Variants in NTN4 observed in about 807,000 individuals in gnomAD.
The protein encoded by NTN4 is netrin-4.
A neutral mutation model predicts 73.6 loss-of-function variants in NTN4; 32 were observed. The ratio of observed to expected loss-of-function variants is 0.44; its 90% CI spans 0.33 to 0.58. The LOEUF (loss-of-function observed/expected upper bound fraction) is 0.58. NTN4 is among the 20% of genes least tolerant of loss of function. The pLI, the probability that NTN4 is intolerant of heterozygous loss-of-function variation, is 0.04. For synonymous variants in NTN4, 258 were observed against 287.5 expected (o/e 0.90, Z 1.04); for missense variants, 654 against 798.3 (o/e 0.82, Z 2.18).
chr12:95,737,759 G>T, intron 3 of NTN4, 107 bp downstream of exon 3: 2 of 1,072,212 alleles, frequency 1.9e-6, no homozygotes, highest in Non-Finnish European at 2.7e-6. Context: ...GCTGTGATGG[G>T]CAGAGGAAAA....
intron 2 of NTN4, among the ~76,000 whole-genome samples, chr12:95,755,787 C>G (rs2078943765): frequency 6.6e-6 from 1 of 152,114 alleles, no homozygotes; most frequent in African/African-American, 2.4e-5. Context: ...TAAAGTGATG[C>G]AAAGGCAGCT....
Position 95,790,302 on chromosome 12 carries a change from C to A in NTN4, c.8G>T (p.Ser3Ile). 2.0e-6 allele frequency: 3 copies of A among 1,531,440 alleles called. No individual in the cohort carries two copies. The allele number at this position is 1,531,440 out of a possible 1,614,324, so 94.9% of individuals were successfully genotyped here. The change falls in exon 1 of 10, where the codon AGC becomes ATC. Residue 3 changes from serine (S) to isoleucine (I), a missense_variant. Coordinates refer to ENST00000343702, the MANE Select transcript of NTN4 (RefSeq NM_021229.4). This position sits in a 1 kb window ranked among gnomAD's most constrained non-coding sequence, Gnocchi z 6.5. ...CCAGAGCAGCAGCAGCCGCGCGCAG[C>A]TCCCCATGGCCGGGAGGAGCCGGGA... MG[S>I]CARLLLLWGC...
chr12:95,762,548 A>G (rs1239862978), intron 2 of NTN4, among the ~76,000 whole-genome samples: 1 of 152,272 alleles, frequency 6.6e-6, no homozygotes, highest in Admixed American at 6.5e-5. Flanking sequence ...AGAAGAAAAG[A>G]CTTGCAGAAA....
rs577627036 is a variant in NTN4 at position 95,676,722 on chromosome 12, G to A, written c.1510+5985C>T. 2.6e-3 allele frequency among the ~76,000 whole-genome samples: 389 copies of A among 151,746 alleles called. 1 individual carries two copies. Among genetic ancestry groups the A allele is most frequent in the African/African-American group, 9.0e-3 (374 of 41,400 alleles). On this transcript the variant is annotated intron_variant, in intron 7 of 9. Coordinates refer to ENST00000343702, the MANE Select transcript of NTN4 (RefSeq NM_021229.4). ...AAACATAAAAAAAAAATAAAGATAA[G>A]AGCAGAATTAGTGAAATAAAGAAAA...
intron 2 of NTN4, among the ~76,000 whole-genome samples, chr12:95,748,303 C>A (rs2078877486): frequency 6.7e-6 from 1 of 148,984 alleles, no homozygotes; most frequent in Admixed American, 6.7e-5. Context: ...TTATTCATTA[C>A]ATTATTCAAA....
At chr12:95,712,343 G>T (rs768319179) in intron 4 of NTN4, among the ~76,000 whole-genome samples, 2 of 151,978 alleles carry the variant, frequency 1.3e-5, no homozygotes, top group Non-Finnish European at 2.9e-5. Flanking sequence ...AAAAAAAAAG[G>T]CAATGTGGTA....
chr12:95,670,065 A>G lies in NTN4; in HGVS notation c.1579+13T>C, dbSNP rs758645557. On this transcript the variant is annotated intron_variant, in intron 8 of 9. Transcript: ENST00000343702. Reference sequence around the variant, plus strand: ...AATAGGTTCTCAGAAGCATTCAAGGATTTCAGACTCACCATATGAATATTT... The same window carrying G: ...AATAGGTTCTCAGAAGCATTCAAGGGTTTCAGACTCACCATATGAATATTT... 6.4e-7 allele frequency: 1 copy of G among 1,550,704 alleles called. No homozygotes were observed. Among genetic ancestry groups the G allele is most frequent in the Non-Finnish European group, 8.8e-7 (1 of 1,135,988 alleles).
intron 2 of NTN4, among the ~76,000 whole-genome samples, chr12:95,744,168 C>T (rs2078845343): frequency 6.6e-6 from 1 of 151,998 alleles, no homozygotes; most frequent in Admixed American, 6.5e-5. Context: ...TCCCAAAGTG[C>T]TGGGATTACA....
At chr12:95,775,362 A>C (rs1315149072) in intron 2 of NTN4, among the ~76,000 whole-genome samples, 2 of 152,240 alleles carry the variant, frequency 1.3e-5, no homozygotes. Flanking sequence ...CGCACTGAGC[A>C]TGAGCCAAAG....
intron 2 of NTN4, among the ~76,000 whole-genome samples, chr12:95,752,111 CT>C (rs2078912746): frequency 6.6e-6 from 1 of 152,050 alleles, no homozygotes; most frequent in African/African-American, 2.4e-5. Context: ...CTCTTACCAT[CT>C]CATTAAAACC....
At chr12:95,672,878 G>T in intron 7 of NTN4, 1 of 1,339,886 alleles carries the variant, frequency 7.5e-7, no homozygotes, top group Non-Finnish European at 1.1e-6. Context: ...AGCCTCCGGG[G>T]CATTGTCAAG....
intron 2 of NTN4, among the ~76,000 whole-genome samples, chr12:95,769,090 C>T (rs568832987): frequency 3.3e-4 from 50 of 152,084 alleles, no homozygotes; most frequent in South Asian, 1.9e-3. Context: ...AGAAAGAGAG[C>T]GGAAGGGAAG....
At chr12:95,674,189 A>G (rs551447511) in intron 7 of NTN4, among the ~76,000 whole-genome samples, 1 of 152,256 alleles carries the variant, frequency 6.6e-6, no homozygotes, top group African/African-American at 2.4e-5. Context: ...AAATTGTAGT[A>G]ACCTAAGTGA....
intron 3 of NTN4, among the ~76,000 whole-genome samples, chr12:95,725,515 T>A (rs1377872351): frequency 6.6e-6 from 1 of 152,216 alleles, no homozygotes; most frequent in East Asian, 1.9e-4. Flanking sequence ...AAGATTTTTT[T>A]AAAGATCCAG....
chr12:95,665,133 G>A (rs558226125), intron 9 of NTN4, among the ~76,000 whole-genome samples: 31 of 152,252 alleles, frequency 2.0e-4, no homozygotes, highest in Admixed American at 3.3e-4. Flanking sequence ...AGAGAAATAA[G>A]CAGCTTATAA....
intron 7 of NTN4, chr12:95,672,323 G>A (rs1232948759): frequency 1.3e-6 from 1 of 783,968 alleles, no homozygotes; most frequent in African/African-American, 1.7e-5. Flanking sequence ...CTACAAACTG[G>A]TGCTGATCCA....
At chr12:95,704,026 T>C (rs2078505996) in intron 5 of NTN4, among the ~76,000 whole-genome samples, 1 of 152,022 alleles carries the variant, frequency 6.6e-6, no homozygotes, top group African/African-American at 2.4e-5. Flanking sequence ...TTTTGGAGGC[T>C]CAAGTGATCC....
rs532546986 is a variant in NTN4 at position 95,715,927 on chromosome 12, GA to G, written c.865-2590del. Among the ~76,000 whole-genome samples, 719 of 152,156 alleles carry G rather than the reference GA, an allele frequency of 4.7e-3. 2 individuals carry two copies. The highest frequency in any genetic ancestry group is 0.016 in the African/African-American group (679 of 41,518). On this transcript the variant is annotated intron_variant, in intron 3 of 9. Transcript: ENST00000343702. Reference sequence around the variant, plus strand: ...TGTAGTACTAAATGCTGACTTCAAAGAAAAGAGAGTCTTTGAGAAAATGACT... The same window carrying G: ...TGTAGTACTAAATGCTGACTTCAAAGAAAGAGAGTCTTTGAGAAAATGACT...
chr12:95,730,608 T>C (rs1419774819), intron 3 of NTN4, among the ~76,000 whole-genome samples: 1 of 152,156 alleles, frequency 6.6e-6, no homozygotes, highest in African/African-American at 2.4e-5. Flanking sequence ...ACACTAACAA[T>C]TTCCAGCCAT....
Sources: allele counts gnomAD v4.1 joint callset (sites outside exome capture counted in the v4.1 genomes callset), GRCh38; gene constraint gnomAD v4.1.1; non-coding constraint Gnocchi (gnomAD v3.1); transcripts MANE v1.5; gene names NCBI Gene and HGNC (gene_info 2026-07-23, HGNC 2026-07-21).